KIAA1549L: variants seen among roughly 807,000 people sequenced by gnomAD.
KIAA1549L encodes UPF0606 protein KIAA1549L.
A neutral mutation model predicts 160.7 loss-of-function variants in KIAA1549L; 88 were observed. The ratio of observed to expected loss-of-function variants is 0.55; its 90% CI spans 0.46 to 0.65. KIAA1549L has a LOEUF of 0.65. KIAA1549L is among the 30% of genes least tolerant of loss of function. The probability of loss-of-function intolerance (pLI) is 0.00; values close to 1 mark genes in which losing one functional copy is unlikely to be tolerated. For synonymous variants in KIAA1549L, 950 were observed against 976.7 expected (o/e 0.97, Z 0.51); for missense variants, 2,258 against 2,437.5 (o/e 0.93, Z 1.55).
chr11:33,617,906 G>A lies in KIAA1549L; in HGVS notation c.5280-627G>A, dbSNP rs78988958. Among the ~76,000 whole-genome samples the A allele has an allele frequency of 8.6e-3, 1,307 of 152,002 alleles. 21 individuals are homozygous for A. Among genetic ancestry groups the A allele is most frequent in the African/African-American group, 0.029 (1,205 of 41,436 alleles). ...GTGGATGGATAGATGTGGATGGATG[G>A]ACGGATGGACGGATGGATGGATGGA... On this transcript the variant is annotated intron_variant, in intron 15 of 20. Coordinates refer to ENST00000658780, the MANE Select transcript of KIAA1549L (RefSeq NM_012194.3).
intron 18 of KIAA1549L, among the ~76,000 whole-genome samples, chr11:33,658,189 C>A (rs1386982645): frequency 2.0e-5 from 3 of 151,822 alleles, no homozygotes; most frequent in Non-Finnish European, 4.4e-5. Context: ...GCCCGGGGAA[C>A]AAAAAAAAGT....
chr11:33,513,199 G>A (rs1390290033), intron 1 of KIAA1549L, among the ~76,000 whole-genome samples: 1 of 152,198 alleles, frequency 6.6e-6, no homozygotes, highest in African/African-American at 2.4e-5. Context: ...CAAAAATGGG[G>A]CAAAATGAAA....
At chr11:33,387,310 T>G (rs1403681920) in intron 1 of KIAA1549L, among the ~76,000 whole-genome samples, 1 of 152,092 alleles carries the variant, frequency 6.6e-6, no homozygotes, top group East Asian at 1.9e-4. Context: ...CTCTTTATTT[T>G]ATTTTATTTT....
At chr11:33,563,693 A>G (rs1854951922) in intron 8 of KIAA1549L, among the ~76,000 whole-genome samples, 2 of 152,250 alleles carry the variant, frequency 1.3e-5, no homozygotes, top group Admixed American at 6.5e-5. Flanking sequence ...CCAACCCACC[A>G]GAGTTTATGC....
chr11:33,543,739 G>A lies in KIAA1549L; in HGVS notation c.2176G>A (p.Gly726Arg), dbSNP rs766310523. The change falls in exon 2 of 21, where the codon GGA becomes AGA. Residue 726 changes from glycine to arginine, a missense_variant. Coordinates refer to ENST00000658780, the MANE Select transcript of KIAA1549L (RefSeq NM_012194.3). Reference sequence around the variant, plus strand: ...GCAGCAAACAAATTATGATTTAAATGGACACACAATTAGCACCACAAGTTG... The same window carrying A: ...GCAGCAAACAAATTATGATTTAAATAGACACACAATTAGCACCACAAGTTG... ...LQQQTNYDLN[G>R]HTISTTSWET... 3 of 1,613,848 alleles carry A rather than the reference G, an allele frequency of 1.9e-6. No homozygotes were observed. The South Asian group carries it at 3.3e-5, about 18-fold the overall frequency.
At chr11:33,445,552 T>C (rs922950416) in intron 1 of KIAA1549L, among the ~76,000 whole-genome samples, 1 of 152,220 alleles carries the variant, frequency 6.6e-6, no homozygotes, top group African/African-American at 2.4e-5. Context: ...TGTATAGAGA[T>C]GAATTAGGTC....
chr11:33,466,806 A>C (rs1453677742), intron 1 of KIAA1549L, among the ~76,000 whole-genome samples: 2 of 152,332 alleles, frequency 1.3e-5, no homozygotes, highest in East Asian at 3.9e-4. Flanking sequence ...GTATGAGTTC[A>C]TGTCCTTTAC....
chr11:33,519,827 G>A (rs1357775905), intron 1 of KIAA1549L, among the ~76,000 whole-genome samples: 1 of 152,110 alleles, frequency 6.6e-6, no homozygotes, highest in Admixed American at 6.6e-5. Context: ...TGTGGAGGCT[G>A]CCACTCTGGT....
At chr11:33,663,553 T>G (rs1852336412) in intron 20 of KIAA1549L, among the ~76,000 whole-genome samples, 1 of 152,194 alleles carries the variant, frequency 6.6e-6, no homozygotes, top group Admixed American at 6.5e-5. Context: ...CCAACAAGCT[T>G]GATACCATAG....
At chr11:33,499,204 C>T (rs1852888804) in intron 1 of KIAA1549L, among the ~76,000 whole-genome samples, 1 of 152,204 alleles carries the variant, frequency 6.6e-6, no homozygotes, top group African/African-American at 2.4e-5. Context: ...TGTGTCCAAA[C>T]TCAGGAACTG....
At chr11:33,588,302 G>A (rs1172559849) in intron 11 of KIAA1549L, among the ~76,000 whole-genome samples, 2 of 152,190 alleles carry the variant, frequency 1.3e-5, no homozygotes, top group Non-Finnish European at 2.9e-5. Flanking sequence ...GGATAATGGG[G>A]GCGTGAGGGT....
At chr11:33,629,419 G>GTACA (rs1322896285) in intron 16 of KIAA1549L, among the ~76,000 whole-genome samples, 1 of 152,144 alleles carries the variant, frequency 6.6e-6, no homozygotes, top group Non-Finnish European at 1.5e-5. Flanking sequence ...TGACTTTCAG[G>GTACA]TACACCAATC....
chr11:33,604,394 G>C (rs1348585546), intron 13 of KIAA1549L, among the ~76,000 whole-genome samples: 1 of 152,172 alleles, frequency 6.6e-6, no homozygotes, highest in Non-Finnish European at 1.5e-5. Context: ...AAACAGTACA[G>C]AGATTCCTTA....
intron 1 of KIAA1549L, among the ~76,000 whole-genome samples, chr11:33,537,147 T>G (rs540994180): frequency 6.6e-6 from 1 of 152,364 alleles, no homozygotes; most frequent in African/African-American, 2.4e-5. Context: ...CCTTTGCATA[T>G]GCTTGTTCCT....
chr11:33,597,981 A>C (rs888844896), intron 12 of KIAA1549L, among the ~76,000 whole-genome samples: 1 of 152,086 alleles, frequency 6.6e-6, no homozygotes, highest in Non-Finnish European at 1.5e-5. Context: ...GCAGTTTTAA[A>C]AGCACGCAGT....
At chr11:33,535,402 G>A (rs1030030036) in intron 1 of KIAA1549L, among the ~76,000 whole-genome samples, 1 of 152,126 alleles carries the variant, frequency 6.6e-6, no homozygotes, top group African/African-American at 2.4e-5. Flanking sequence ...GCTGGGCATG[G>A]TGGCTCATGC....
At chr11:33,379,658 G>A (rs572289521) in intron 1 of KIAA1549L, among the ~76,000 whole-genome samples, 2 of 152,242 alleles carry the variant, frequency 1.3e-5, no homozygotes, top group South Asian at 4.2e-4. Context: ...ATCTGTTCAC[G>A]GGCAGCTACT....
chr11:33,645,151 G>C (rs1851681597), intron 16 of KIAA1549L, among the ~76,000 whole-genome samples: 1 of 152,244 alleles, frequency 6.6e-6, no homozygotes, highest in South Asian at 2.1e-4. Flanking sequence ...CACCCCCAGA[G>C]CTTCTGATTG....
chr11:33,618,271 A>C (rs983304642), intron 15 of KIAA1549L, among the ~76,000 whole-genome samples: 1 of 152,212 alleles, frequency 6.6e-6, no homozygotes, highest in Non-Finnish European at 1.5e-5. Flanking sequence ...TGAGGTTGCA[A>C]TGTTGCAATT....
Sources: gnomAD v4.1 joint callset for allele counts (sites outside exome capture counted in the v4.1 genomes callset) on GRCh38, gnomAD v4.1.1 for gene constraint, MANE v1.5 for transcripts, NCBI Gene and HGNC (gene_info 2026-07-23, HGNC 2026-07-21) for gene names.